The following CNTN5 variants were observed in gnomAD, a reference collection of about 807,000 sequenced individuals.
CNTN5 encodes the protein contactin-5.
In CNTN5, 77 loss-of-function variants were observed where a neutral mutation model predicts 129.1. The observed-to-expected ratio is 0.60, with a 90% CI of 0.50 to 0.72. CNTN5 has a LOEUF of 0.72. Among genes scored for constraint, CNTN5 ranks in the 30% least tolerant of loss-of-function variants. The pLI is 0.00. For synonymous variants in CNTN5, 509 were observed against 465.6 expected (o/e 1.09, Z -1.20); for missense variants, 1,478 against 1,328.8 (o/e 1.11, Z -1.75).
chr11:99,807,408 A>G (rs532009506), intron 3 of CNTN5, among the ~76,000 whole-genome samples: 1 of 152,326 alleles, frequency 6.6e-6, no homozygotes, highest in Non-Finnish European at 1.5e-5. Context: ...AAATTCATCT[A>G]TAGGGATAGG....
intron 3 of CNTN5, among the ~76,000 whole-genome samples, chr11:99,675,274 G>A (rs551905216): frequency 2.4e-4 from 37 of 152,240 alleles, no homozygotes; most frequent in African/African-American, 8.7e-4. Context: ...AGTACTGGGT[G>A]AGGGAATGGA....
chr11:99,842,590 A>T (rs533854729), intron 4 of CNTN5, among the ~76,000 whole-genome samples: 1 of 152,208 alleles, frequency 6.6e-6, no homozygotes, highest in South Asian at 2.1e-4. Flanking sequence ...AACACTTATT[A>T]TATGTGAATT....
chr11:99,627,905 TA>T (rs1212573823), intron 3 of CNTN5, among the ~76,000 whole-genome samples: 2 of 150,330 alleles, frequency 1.3e-5, no homozygotes, highest in Non-Finnish European at 3.0e-5. Context: ...TTCACCAAAA[TA>T]AAATTGTGTA....
intron 2 of CNTN5, among the ~76,000 whole-genome samples, chr11:99,504,398 G>A (rs1378185543): frequency 2.6e-5 from 4 of 151,718 alleles, no homozygotes; most frequent in Non-Finnish European, 2.9e-5. Context: ...AAAATTAGCC[G>A]GGCATAGTGG....
intron 6 of CNTN5, among the ~76,000 whole-genome samples, chr11:99,889,917 T>A (rs999858056): frequency 2.0e-5 from 3 of 152,174 alleles, no homozygotes; most frequent in Non-Finnish European, 2.9e-5. Flanking sequence ...CTAAAAATTA[T>A]TTTTAAAAAT....
At chr11:99,730,247 T>C (rs979405968) in intron 3 of CNTN5, among the ~76,000 whole-genome samples, 1 of 152,322 alleles carries the variant, frequency 6.6e-6, no homozygotes, top group Non-Finnish European at 1.5e-5. Context: ...AACTGGCTTC[T>C]GATTCTAGCA....
intron 3 of CNTN5, among the ~76,000 whole-genome samples, chr11:99,766,654 C>T (rs1002773961): frequency 3.9e-5 from 6 of 151,990 alleles, no homozygotes; most frequent in African/African-American, 1.4e-4. Context: ...TATTAATACC[C>T]CCATCGCTGC....
intron 1 of CNTN5, among the ~76,000 whole-genome samples, chr11:99,247,097 C>A (rs1029668106): frequency 6.6e-6 from 1 of 152,084 alleles, no homozygotes; most frequent in Non-Finnish European, 1.5e-5. Flanking sequence ...TTCTGTGTGT[C>A]TGGCCCTGTT....
chr11:99,655,736 T>A lies in CNTN5; in HGVS notation c.55+99467T>A, dbSNP rs544291373. On this transcript the variant is annotated intron_variant, in intron 3 of 24. Coordinates refer to ENST00000524871, the MANE Select transcript of CNTN5 (RefSeq NM_014361.4). ...CATTTTATATACATACATACACCTA[T>A]ACACACACATAGATGTATATACGCA... Among the ~76,000 whole-genome samples the A allele has an allele frequency of 4.6e-5, 7 of 152,158 alleles. No individual in the cohort carries two copies. The South Asian group carries it at 1.0e-3, about 23-fold the overall frequency.
At chr11:99,283,413 C>A (rs1863788533) in intron 1 of CNTN5, among the ~76,000 whole-genome samples, 1 of 152,012 alleles carries the variant, frequency 6.6e-6, no homozygotes, top group South Asian at 2.1e-4. Flanking sequence ...CACACACATG[C>A]ACACACATGT....
intron 2 of CNTN5, among the ~76,000 whole-genome samples, chr11:99,446,158 G>C (rs1413213822): frequency 1.3e-5 from 2 of 149,970 alleles, no homozygotes. Context: ...GATTACTGTG[G>C]CTGCATCTTA....
intron 1 of CNTN5, among the ~76,000 whole-genome samples, chr11:99,030,779 T>G (rs1452573353): frequency 8.1e-6 from 1 of 123,002 alleles, no homozygotes; most frequent in Non-Finnish European, 1.7e-5. Context: ...ATGCTAACTC[T>G]CTTTTTTTTT....
intron 9 of CNTN5, among the ~76,000 whole-genome samples, chr11:100,019,831 C>T (rs1023585616): frequency 1.3e-5 from 2 of 151,896 alleles, no homozygotes; most frequent in South Asian, 2.1e-4. Context: ...CCGTTTTCTC[C>T]ACGTCCTCGC....
intron 1 of CNTN5, among the ~76,000 whole-genome samples, chr11:99,258,065 C>G (rs530246020): frequency 6.6e-6 from 1 of 152,138 alleles, no homozygotes; most frequent in East Asian, 1.9e-4. Context: ...CTGAAATTCT[C>G]GCGGAGTTTT....
At position 99,241,318 on chromosome 11, in the gene CNTN5, GTTT is replaced by G. The variant is rs10648459; in HGVS notation, c.-209-84009_-209-84007del. On this transcript the variant is annotated intron_variant, in intron 1 of 24. Coordinates refer to ENST00000524871, the MANE Select transcript of CNTN5 (RefSeq NM_014361.4). ...GTGACACTCCTTCATTTGATTGTTG[GTTT>G]TTTTTTTTTTTTTTTTTTGATTCCA... Among the ~76,000 whole-genome samples, 175 of 88,046 alleles carry G rather than the reference GTTT, an allele frequency of 2.0e-3. 1 individual carries two copies. The highest frequency in any genetic ancestry group is 2.0e-3 in the Non-Finnish European group (94 of 47,202). 57.8% of individuals were successfully genotyped at this position (88,046 alleles called of 152,430 possible). A position where few individuals can be genotyped will look rare whatever the true frequency, so the allele number is the denominator to read the frequency against.
intron 1 of CNTN5, among the ~76,000 whole-genome samples, chr11:99,296,258 A>T (rs945530623): frequency 3.3e-5 from 5 of 152,214 alleles, no homozygotes; most frequent in Non-Finnish European, 5.9e-5. Flanking sequence ...GTACAGTTCC[A>T]GGAGTATGGA....
intron 1 of CNTN5, among the ~76,000 whole-genome samples, chr11:99,053,528 G>A (rs544698861): frequency 6.6e-6 from 1 of 151,652 alleles, no homozygotes; most frequent in African/African-American, 2.4e-5. Context: ...TGGGATCCCT[G>A]GTCTATAGAT....
intron 1 of CNTN5, among the ~76,000 whole-genome samples, chr11:99,286,463 G>C (rs1863944826): frequency 1.3e-5 from 2 of 152,130 alleles, no homozygotes; most frequent in African/African-American, 2.4e-5. Flanking sequence ...AGATGGATAA[G>C]GAGAACGTGA....
At chr11:100,075,570 C>T (rs1944094579) in intron 13 of CNTN5, among the ~76,000 whole-genome samples, 1 of 152,002 alleles carries the variant, frequency 6.6e-6, no homozygotes, top group African/African-American at 2.4e-5. Flanking sequence ...TATGATTGGA[C>T]AAAAAGTATG....
Sources: gnomAD v4.1 joint callset for allele counts (sites outside exome capture counted in the v4.1 genomes callset) on GRCh38, gnomAD v4.1.1 for gene constraint, MANE v1.5 for transcripts, NCBI Gene and HGNC (gene_info 2026-07-23, HGNC 2026-07-21) for gene names.